Variants in DOCK1 observed in about 807,000 individuals in gnomAD.
The protein encoded by DOCK1 is dedicator of cytokinesis protein 1.
In DOCK1, 138 loss-of-function variants were observed where a neutral mutation model predicts 262.7. That is an observed-to-expected ratio of 0.53 (90% CI 0.46 to 0.61). DOCK1 has a LOEUF of 0.61. DOCK1 is among the 20% of genes least tolerant of loss of function. The pLI is 0.00. For missense variants in DOCK1, 1,908 were observed against 2,370.7 expected (o/e 0.80, Z 4.05); for synonymous variants, 866 against 867.4 (o/e 1.00, Z 0.03).
At chr10:127,145,154 C>T (rs1197116646) in intron 27 of DOCK1, among the ~76,000 whole-genome samples, 1 of 152,076 alleles carries the variant, frequency 6.6e-6, no homozygotes, top group Non-Finnish European at 1.5e-5. Context: ...GGCTCTGGGT[C>T]CTGAGCCTCA....
At chr10:127,266,037 G>A (rs976963359) in intron 29 of DOCK1, among the ~76,000 whole-genome samples, 3 of 152,244 alleles carry the variant, frequency 2.0e-5, no homozygotes, top group African/African-American at 7.2e-5. Flanking sequence ...TAGGATGGGA[G>A]AGAGGGAAAA....
At chr10:127,018,151 G>C (rs1400182699) in intron 12 of DOCK1, among the ~76,000 whole-genome samples, 3 of 152,198 alleles carry the variant, frequency 2.0e-5, no homozygotes, top group African/African-American at 7.2e-5. Flanking sequence ...CAGAGGGCCT[G>C]GGCTCCACAG....
At chr10:127,273,758 C>T (rs948093108) in intron 29 of DOCK1, among the ~76,000 whole-genome samples, 1 of 151,962 alleles carries the variant, frequency 6.6e-6, no homozygotes, top group African/African-American at 2.4e-5. Flanking sequence ...TGGCAGGCAC[C>T]TGTAGTCCAG....
intron 1 of DOCK1, among the ~76,000 whole-genome samples, chr10:126,967,400 C>G (rs2037752751): frequency 6.6e-6 from 1 of 152,150 alleles, no homozygotes; most frequent in South Asian, 2.1e-4. Flanking sequence ...GAACCACAGC[C>G]CTGGACTTGT....
chr10:126,996,078 G>A (rs1366401460), intron 6 of DOCK1, among the ~76,000 whole-genome samples: 1 of 152,078 alleles, frequency 6.6e-6, no homozygotes, highest in Non-Finnish European at 1.5e-5. Flanking sequence ...GTGTGTGTGT[G>A]TACATATGTA....
At chr10:127,067,605 T>C (rs982855232) in intron 23 of DOCK1, among the ~76,000 whole-genome samples, 1 of 152,088 alleles carries the variant, frequency 6.6e-6, no homozygotes, top group Non-Finnish European at 1.5e-5. Context: ...TTCCCTGTGA[T>C]GCATTCTGGC....
chr10:127,026,432 G>A lies in DOCK1; in HGVS notation c.1624+8G>A, dbSNP rs2042867434. The A allele has an allele frequency of 1.9e-5, 30 of 1,572,140 alleles. No homozygotes were observed. Among genetic ancestry groups the A allele is most frequent in the Non-Finnish European group, 2.5e-5 (29 of 1,157,392 alleles). ...ACAGGTCATCACAGGACTGTGAGTAGTCAAGCACTTTCTTCCCCCAAGTAT... is the reference window on the plus strand; with the variant it reads ...ACAGGTCATCACAGGACTGTGAGTAATCAAGCACTTTCTTCCCCCAAGTAT... On this transcript the variant is annotated splice_region_variant and intron_variant, in intron 16 of 51. Transcript: ENST00000623213.
intron 1 of DOCK1, among the ~76,000 whole-genome samples, chr10:126,966,633 G>C (rs1238475618): frequency 3.3e-5 from 5 of 152,026 alleles, no homozygotes; most frequent in Admixed American, 2.6e-4. Flanking sequence ...ATTTTCCTGG[G>C]CAGCTTTTTT....
chr10:127,438,121 C>T (rs2069822089), intron 48 of DOCK1, among the ~76,000 whole-genome samples: 1 of 152,234 alleles, frequency 6.6e-6, no homozygotes, highest in Non-Finnish European at 1.5e-5. Context: ...CTCCTCACAG[C>T]AGGAGCTGCT....
chr10:127,218,678 T>C (rs987956548), intron 27 of DOCK1, among the ~76,000 whole-genome samples: 1 of 152,214 alleles, frequency 6.6e-6, no homozygotes, highest in Non-Finnish European at 1.5e-5. Flanking sequence ...TACCTTTTTT[T>C]CCCTCCACTT....
At chr10:127,101,109 C>A (rs1045800193) in intron 23 of DOCK1, among the ~76,000 whole-genome samples, 2 of 152,044 alleles carry the variant, frequency 1.3e-5, no homozygotes, top group African/African-American at 4.8e-5. Context: ...CCCGAAAACC[C>A]AAGGCAGGGG....
intron 23 of DOCK1, among the ~76,000 whole-genome samples, chr10:127,089,778 G>A (rs541400169): frequency 2.5e-4 from 38 of 152,312 alleles, no homozygotes; most frequent in Admixed American, 1.9e-3. Context: ...TGTGGACACC[G>A]TGCCATTTAG....
intron 49 of DOCK1, among the ~76,000 whole-genome samples, chr10:127,443,182 T>G (rs2134773965): frequency 6.6e-6 from 1 of 152,268 alleles, no homozygotes; most frequent in African/African-American, 2.4e-5. Context: ...CCTCCCAAAT[T>G]TGGACACGTC....
intron 12 of DOCK1, among the ~76,000 whole-genome samples, chr10:127,017,257 A>T (rs1297729960): frequency 7.2e-6 from 1 of 139,656 alleles, no homozygotes; most frequent in Non-Finnish European, 1.5e-5. Flanking sequence ...AGCCCCTTCC[A>T]CTCAGATATA....
intron 25 of DOCK1, among the ~76,000 whole-genome samples, chr10:127,123,018 G>A (rs114362117): frequency 6.6e-6 from 1 of 152,284 alleles, no homozygotes; most frequent in South Asian, 2.1e-4. Context: ...AGCCTACAGG[G>A]CCAGCTCTGC....
At chr10:127,424,859 A>C (rs76685106) in intron 46 of DOCK1, among the ~76,000 whole-genome samples, 218 of 152,332 alleles carry the variant, frequency 1.4e-3, no homozygotes, top group Admixed American at 2.9e-3. Flanking sequence ...GCAGCCTCCA[A>C]GCAGGCTAGG....
chr10:127,346,159 G>A lies in DOCK1; in HGVS notation c.3224+2413G>A, dbSNP rs1424809888. On this transcript the variant is annotated intron_variant, in intron 31 of 51. Transcript: ENST00000623213. ...GAGATGCCTGCGGGAGAAGAGAGGT[G>A]AATTTAAACTGGAAATCTGCCTCAA... 2.6e-5 allele frequency among the ~76,000 whole-genome samples: 4 copies of A among 152,190 alleles called. No homozygotes were observed. The East Asian group carries it at 7.7e-4, about 29-fold the overall frequency.
chr10:127,128,443 T>C (rs1377033262), intron 27 of DOCK1, among the ~76,000 whole-genome samples: 3 of 151,766 alleles, frequency 2.0e-5, no homozygotes, highest in African/African-American at 7.3e-5. Context: ...TACGTAGGTA[T>C]GCGTGTGCCA....
chr10:127,352,306 A>G (rs2063922266), intron 31 of DOCK1, among the ~76,000 whole-genome samples: 1 of 12,660 alleles, frequency 7.9e-5, no homozygotes, highest in African/African-American at 3.3e-4. Context: ...AGGGGTGAAG[A>G]GGAGCGGGGA....
Sources: allele counts gnomAD v4.1 joint callset (sites outside exome capture counted in the v4.1 genomes callset), GRCh38; gene constraint gnomAD v4.1.1; transcripts MANE v1.5; gene names NCBI Gene and HGNC (gene_info 2026-07-23, HGNC 2026-07-21).